Variants in ARHGEF10L observed in about 807,000 individuals in gnomAD.
ARHGEF10L encodes the protein rho guanine nucleotide exchange factor 10-like protein.
In ARHGEF10L, 69 loss-of-function variants were observed where a neutral mutation model predicts 141.2. That is an observed-to-expected ratio of 0.49 (90% CI 0.40 to 0.60). The LOEUF is 0.60. Ranked by LOEUF, ARHGEF10L falls within the 20% of genes least tolerant of loss-of-function variation. The pLI, the probability that ARHGEF10L is intolerant of heterozygous loss-of-function variation, is 0.00. For missense variants in ARHGEF10L, 1,482 were observed against 1,734.3 expected (o/e 0.85, Z 2.58); for synonymous variants, 711 against 718.5 (o/e 0.99, Z 0.17).
chr1:17,562,574 C>A (rs775712493), intron 1 of ARHGEF10L, among the ~76,000 whole-genome samples: 4 of 152,232 alleles, frequency 2.6e-5, no homozygotes, highest in Non-Finnish European at 5.9e-5. Context: ...TTATTCCTGG[C>A]TAGTGAGAGC....
intron 22 of ARHGEF10L, among the ~76,000 whole-genome samples, chr1:17,650,369 G>A (rs772358298): frequency 6.6e-6 from 1 of 152,154 alleles, no homozygotes; most frequent in East Asian, 1.9e-4. Context: ...AGCTGTGATT[G>A]TACCACTGCA....
At chr1:17,608,016 A>G in intron 7 of ARHGEF10L, 39 bp downstream of exon 7, 1 of 867,540 alleles carries the variant, frequency 1.2e-6, no homozygotes, top group African/African-American at 1.9e-5. Flanking sequence ...CAGTCAGGGC[A>G]CGGAGACCCC....
At chr1:17,583,825 G>T (rs868455535) in intron 2 of ARHGEF10L, among the ~76,000 whole-genome samples, 3 of 152,030 alleles carry the variant, frequency 2.0e-5, no homozygotes, top group African/African-American at 7.2e-5. Context: ...TAGTGGGTAG[G>T]GACTTTGTGG....
chr1:17,609,460 C>T (rs369175424), intron 7 of ARHGEF10L, among the ~76,000 whole-genome samples: 8 of 152,132 alleles, frequency 5.3e-5, no homozygotes, highest in Non-Finnish European at 1.0e-4. Flanking sequence ...AGTTGTGGGA[C>T]GGGATACATT....
chr1:17,693,303 A>G (rs890525771), intron 27 of ARHGEF10L, among the ~76,000 whole-genome samples: 7 of 152,206 alleles, frequency 4.6e-5, no homozygotes, highest in Non-Finnish European at 1.0e-4. Flanking sequence ...TCCTTAAGAC[A>G]GGACTCTATG....
chr1:17,597,104 C>T (rs1283566764), intron 4 of ARHGEF10L, among the ~76,000 whole-genome samples: 2 of 152,104 alleles, frequency 1.3e-5, no homozygotes, highest in Admixed American at 1.3e-4. Flanking sequence ...TTCCTCTCTT[C>T]CCTGCTTCTG....
At chr1:17,637,199 C>T (rs989669812) in intron 18 of ARHGEF10L, among the ~76,000 whole-genome samples, 5 of 152,232 alleles carry the variant, frequency 3.3e-5, no homozygotes, top group African/African-American at 7.2e-5. Context: ...GTCTGGCACA[C>T]GATAGGTCCT....
intron 26 of ARHGEF10L, among the ~76,000 whole-genome samples, chr1:17,679,217 G>T (rs888764410): frequency 6.6e-6 from 1 of 152,188 alleles, no homozygotes; most frequent in Non-Finnish European, 1.5e-5. Context: ...CCAGTTTGCT[G>T]GGAAGAGGTG....
chr1:17,605,873 C>T (rs1197090333), intron 6 of ARHGEF10L, among the ~76,000 whole-genome samples: 3 of 152,190 alleles, frequency 2.0e-5, no homozygotes, highest in Non-Finnish European at 2.9e-5. Context: ...TTCTGAAGGT[C>T]GCAGCTGCTC....
rs2077405315 is a variant in ARHGEF10L at position 17,558,057 on chromosome 1, C to T, written c.-44+18107C>T. On this transcript the variant is annotated intron_variant, in intron 1 of 28. Coordinates refer to ENST00000361221, the MANE Select transcript of ARHGEF10L (RefSeq NM_018125.4). This position sits in a 1 kb window ranked among gnomAD's most constrained non-coding sequence, Gnocchi z 4.2. ...ATTCATCTCTCCATTCATTTACCCA[C>T]CCACCCGTGCATCCATCTGTCCATC... 6.6e-6 allele frequency among the ~76,000 whole-genome samples: 1 copy of T among 152,084 alleles called. No homozygotes were observed. Among genetic ancestry groups the T allele is most frequent in the African/African-American group, 2.4e-5 (1 of 41,388 alleles).
the ARHGEF10L span, among the ~76,000 whole-genome samples, chr1:17,514,749 GGT>G: frequency 6.6e-6 from 1 of 152,124 alleles, no homozygotes; most frequent in Non-Finnish European, 1.5e-5. Flanking sequence ...TTGCTTTTGA[GGT>G]GTGTGTGTTG....
Position 17,696,965 on chromosome 1 carries a change from G to A in ARHGEF10L, c.3425G>A (p.Arg1142Gln), listed in dbSNP as rs147651088. 9.9e-6 allele frequency: 16 copies of A among 1,612,334 alleles called. 1 individual carries two copies. Among genetic ancestry groups the A allele is most frequent in the South Asian group, 7.7e-5 (7 of 90,936 alleles). ...GACCAGGAGGAGGCTGAGGGGCCCC[G>A]GGCTGAGGAGGACAAGCCAGACGGG... ...RSDQEEAEGP[R>Q]AEEDKPDGQA... The change falls in exon 29 of 29, where the codon CGG becomes CAG. Residue 1142 changes from arginine to glutamine, a missense_variant. Arg to Gln is a conservative substitution (Grantham distance 43). Transcript: ENST00000361221.
chr1:17,555,003 C>T (rs1215504597), intron 1 of ARHGEF10L, among the ~76,000 whole-genome samples: 2 of 152,190 alleles, frequency 1.3e-5, no homozygotes, highest in African/African-American at 4.8e-5. Flanking sequence ...AATCATCTTG[C>T]TAAATCCTAA....
At chr1:17,547,119 A>G (rs1468506074) in intron 1 of ARHGEF10L, among the ~76,000 whole-genome samples, 2 of 152,114 alleles carry the variant, frequency 1.3e-5, no homozygotes, top group Non-Finnish European at 2.9e-5. Context: ...CCCATATGCT[A>G]TGGAAAATGG....
chr1:17,544,610 A>G (rs2076851590), intron 1 of ARHGEF10L, among the ~76,000 whole-genome samples: 1 of 152,142 alleles, frequency 6.6e-6, no homozygotes, highest in African/African-American at 2.4e-5. Context: ...ATTATATTTT[A>G]TAAAGTAATA....
At position 17,695,158 on chromosome 1, in the gene ARHGEF10L, G is replaced by T. The variant is rs564961041; in HGVS notation, c.3185G>T (p.Gly1062Val). 1.2e-6 allele frequency: 2 copies of T among 1,612,564 alleles called. No individual in the cohort carries two copies. The highest frequency in any genetic ancestry group is 2.2e-5 in the South Asian group (2 of 91,088). The change falls in exon 28 of 29, where the codon GGC becomes GTC. Residue 1062 changes from glycine (G) to valine (V), a missense_variant and splice_region_variant. Physicochemically the swap from Gly to Val is moderately radical, Grantham distance 109. Around this residue, in one of 3 missense-constraint regions of ARHGEF10L, gnomAD observed 858 missense variants for 966.3 expected, o/e 0.89. Transcript: ENST00000361221. ...IATRTTFLLPGQKHLCVTSLL... is the reference protein window; with the variant it reads ...IATRTTFLLPVQKHLCVTSLL... The stretch of plus-strand genomic sequence containing the variant: ...GCTCAGCCGCCCTCTCTTTCTGCAG[G>T]CCAGAAGCACTTGTGTGTCACCAGC...
chr1:17,601,627 G>A (rs1246868081), intron 4 of ARHGEF10L, among the ~76,000 whole-genome samples: 1 of 152,122 alleles, frequency 6.6e-6, no homozygotes, highest in Admixed American at 6.5e-5. Context: ...TGTATTTTTA[G>A]TAGAGACGGA....
chr1:17,606,941 T>C (rs1051836670), intron 6 of ARHGEF10L, among the ~76,000 whole-genome samples: 3 of 152,186 alleles, frequency 2.0e-5, no homozygotes, highest in African/African-American at 7.2e-5. Context: ...TCCAGACTCT[T>C]AGCTTTTTGT....
chr1:17,613,181 T>C lies in ARHGEF10L; in HGVS notation c.726+7T>C. 6.2e-7 allele frequency: 1 copy of C among 1,608,552 alleles called. No individual in the cohort carries two copies. Among genetic ancestry groups the C allele is most frequent in the Non-Finnish European group, 8.5e-7 (1 of 1,175,462 alleles). ...GCACAAGTACGATTGTAAGGTATTG[T>C]CTGTCTGTCCCCTCAAGCCCTGGAT... On this transcript the variant is annotated splice_region_variant and intron_variant, in intron 8 of 28. Coordinates refer to ENST00000361221, the MANE Select transcript of ARHGEF10L (RefSeq NM_018125.4).
Sources: gnomAD v4.1 joint callset for allele counts (sites outside exome capture counted in the v4.1 genomes callset) on GRCh38, gnomAD v4.1.1 for gene constraint, gnomAD v4.1.1 regional missense constraint, Gnocchi (gnomAD v3.1) non-coding constraint, MANE v1.5 for transcripts, NCBI Gene and HGNC (gene_info 2026-07-23, HGNC 2026-07-21) for gene names.